TRPC4: variants seen among roughly 807,000 people sequenced by gnomAD.
TRPC4 encodes the protein transient receptor potential cation channel subfamily C member 4.
A neutral mutation model predicts 99.4 loss-of-function variants in TRPC4; 49 were observed. That is an observed-to-expected ratio of 0.49 (90% confidence interval 0.39 to 0.63). The LOEUF is 0.63. Ranked by LOEUF, TRPC4 falls within the 20% of genes least tolerant of loss-of-function variation. The probability of loss-of-function intolerance (pLI) is 0.00; values close to 1 mark genes in which losing one functional copy is unlikely to be tolerated. For missense variants in TRPC4, 898 were observed against 1,152.9 expected, an observed-to-expected ratio of 0.78 and a Z score of 3.20; for synonymous variants, 454 against 425.9, an observed-to-expected ratio of 1.07 and a Z score of -0.81.
intron 3 of TRPC4, 82 bp from the exon 4 acceptor site, chr13:37,692,417 G>T: frequency 1.7e-6 from 2 of 1,193,328 alleles, no homozygotes; most frequent in Non-Finnish European, 2.3e-6. Context: ...ACACAATTGT[G>T]ATCTTTAAAG....
intron 1 of TRPC4, among the ~76,000 whole-genome samples, chr13:37,809,511 T>C (rs1957618700): frequency 6.6e-6 from 1 of 151,224 alleles, no homozygotes; most frequent in Non-Finnish European, 1.5e-5. Context: ...ATTAAAAAAA[T>C]ATACTACCAG....
chr13:37,769,736 G>C (rs1162872513), intron 2 of TRPC4, among the ~76,000 whole-genome samples: 1 of 151,442 alleles, frequency 6.6e-6, no homozygotes, highest in East Asian at 1.9e-4. Context: ...AATGCAACAA[G>C]TTTGTCTCTT....
At chr13:37,803,137 T>C (rs1038781525) in intron 1 of TRPC4, among the ~76,000 whole-genome samples, 1 of 152,098 alleles carries the variant, frequency 6.6e-6, no homozygotes, top group Non-Finnish European at 1.5e-5. Flanking sequence ...TCTTTTGACA[T>C]GCTTTCATCC....
chr13:37,860,424 A>C (rs770861761), intron 1 of TRPC4, among the ~76,000 whole-genome samples: 1 of 151,454 alleles, frequency 6.6e-6, no homozygotes, highest in Non-Finnish European at 1.5e-5. Flanking sequence ...GACTAAATTC[A>C]ATGTGCCTTT....
At chr13:37,839,950 A>G (rs188221802) in intron 1 of TRPC4, among the ~76,000 whole-genome samples, 1 of 152,258 alleles carries the variant, frequency 6.6e-6, no homozygotes. Context: ...AAACAATCAC[A>G]TTTGGGTCTG....
intron 7 of TRPC4, among the ~76,000 whole-genome samples, chr13:37,654,030 G>C (rs575997716): frequency 6.6e-6 from 1 of 152,214 alleles, no homozygotes; most frequent in Non-Finnish European, 1.5e-5. Flanking sequence ...CCTATTTCCA[G>C]AGGAATTTTT....
In TRPC4 at chr13:37,746,105, C is replaced by T; in HGVS notation, c.729G>A (p.Glu243=). The T allele has an allele frequency of 1.2e-6, 2 of 1,613,938 alleles. No homozygotes were observed. The highest frequency in any genetic ancestry group is 1.7e-6 in the Non-Finnish European group (2 of 1,179,912). ...VENEFKSEYE[E]LSRQCKQFAK... The stretch of plus-strand genomic sequence containing the variant: ...CAAATTGTTTGCACTGCCGTGACAG[C>T]TCTTCATACTCCGACTTGAATTCAT... Residue 243 remains glutamate, a synonymous_variant, in exon 3 of 11, where the codon GAG becomes GAA. Coordinates refer to ENST00000379705, the MANE Select transcript of TRPC4 (RefSeq NM_016179.4).
chr13:37,681,399 C>A (rs1243926904), intron 4 of TRPC4, among the ~76,000 whole-genome samples: 2 of 151,942 alleles, frequency 1.3e-5, no homozygotes, highest in Non-Finnish European at 2.9e-5. Context: ...TAAACTTGAG[C>A]TATAGATAAG....
At chr13:37,830,089 T>C (rs1281877106) in intron 1 of TRPC4, among the ~76,000 whole-genome samples, 1 of 152,156 alleles carries the variant, frequency 6.6e-6, no homozygotes, top group East Asian at 1.9e-4. Context: ...TGCAACATGA[T>C]GACTATATTA....
At chr13:37,651,190 T>C in intron 8 of TRPC4, 75 bp downstream of exon 8, 1 of 1,546,134 alleles carries the variant, frequency 6.5e-7, no homozygotes, top group African/African-American at 1.4e-5. Flanking sequence ...GACCTGAACA[T>C]GTACAATAAA....
intron 2 of TRPC4, among the ~76,000 whole-genome samples, chr13:37,759,303 G>T (rs1956167388): frequency 6.6e-6 from 1 of 151,682 alleles, no homozygotes; most frequent in Admixed American, 6.6e-5. Flanking sequence ...AAAACAAAAG[G>T]CAACAAAATT....
intron 2 of TRPC4, among the ~76,000 whole-genome samples, chr13:37,761,019 G>C (rs1011090997): frequency 2.6e-5 from 4 of 151,930 alleles, no homozygotes; most frequent in African/African-American, 9.7e-5. Context: ...AGGGCACACA[G>C]TAAATACAAT....
intron 2 of TRPC4, among the ~76,000 whole-genome samples, chr13:37,767,169 C>T (rs980827451): frequency 2.0e-5 from 3 of 150,982 alleles, no homozygotes; most frequent in Non-Finnish European, 3.0e-5. Flanking sequence ...CATTCATTGC[C>T]TTTTGTTTTT....
chr13:37,783,672 C>T (rs1566168554), intron 1 of TRPC4, among the ~76,000 whole-genome samples: 1 of 151,868 alleles, frequency 6.6e-6, no homozygotes, highest in Non-Finnish European at 1.5e-5. Flanking sequence ...CAAAGTTTAT[C>T]GTAATTATAT....
At position 37,633,717 on chromosome 13, in the gene TRPC4, C is replaced by A. The variant is rs1951442580; in HGVS notation, c.*3186G>T. Among the ~76,000 whole-genome samples the A allele has an allele frequency of 1.3e-5, 2 of 151,912 alleles. No homozygotes were observed. Among genetic ancestry groups the A allele is most frequent in the African/African-American group, 4.8e-5 (2 of 41,376 alleles). ...GTTTTTGCATTAGTTTAATTGCCAT[C>A]CAGTAAATAGAGTAACTAATTTAAG... On this transcript the variant is annotated 3_prime_UTR_variant, in exon 11 of 11. Coordinates refer to ENST00000379705, the MANE Select transcript of TRPC4 (RefSeq NM_016179.4).
intron 4 of TRPC4, among the ~76,000 whole-genome samples, 154 bp downstream of exon 4, chr13:37,691,845 T>C (rs1247827500): frequency 6.6e-6 from 1 of 152,224 alleles, no homozygotes; most frequent in Non-Finnish European, 1.5e-5. Context: ...TGTAAAATAG[T>C]TGTTTGGCTT....
In TRPC4 at chr13:37,649,761, C is replaced by CAAA. The variant is rs1455824451; in HGVS notation, c.2079+1503_2079+1504insTTT. On this transcript the variant is annotated intron_variant, in intron 8 of 10. Coordinates refer to ENST00000379705, the MANE Select transcript of TRPC4 (RefSeq NM_016179.4). ...AAAAAAAAAAAAAAAAAAAAAAAAA[C>CAAA]AACAACAAAGAACTAAGCTATTACA... Among the ~76,000 whole-genome samples, 3 of 57,104 alleles carry CAAA rather than the reference C, an allele frequency of 5.3e-5. No individual in the cohort carries two copies. In the East Asian group the frequency reaches 1.5e-3, roughly 28 times the overall value. 37.5% of individuals were successfully genotyped at this position (57,104 alleles called of 152,430 possible).
chr13:37,657,337 A>G (rs1013741402), intron 6 of TRPC4, among the ~76,000 whole-genome samples: 1 of 152,240 alleles, frequency 6.6e-6, no homozygotes, highest in Non-Finnish European at 1.5e-5. Context: ...AGAGAATTCA[A>G]TCTGACTCAT....
intron 2 of TRPC4, among the ~76,000 whole-genome samples, chr13:37,779,419 C>A (rs1156736656): frequency 6.7e-6 from 1 of 149,158 alleles, no homozygotes; most frequent in African/African-American, 2.5e-5. Context: ...TTACTCTTCT[C>A]ATTAAAAAAA....
Sources: allele counts gnomAD v4.1 joint callset (sites outside exome capture counted in the v4.1 genomes callset), GRCh38; gene constraint gnomAD v4.1.1; transcripts MANE v1.5; gene names NCBI Gene and HGNC (gene_info 2026-07-23, HGNC 2026-07-21).